The following TRIM9 variants were observed in gnomAD, a reference collection of about 807,000 sequenced individuals.
The protein encoded by TRIM9 is tripartite motif containing 9.
TRIM9 carries 26 observed loss-of-function variants against 78.3 expected under a neutral mutation model. The observed-to-expected ratio is 0.33, with a 90% CI of 0.24 to 0.46. TRIM9 has a LOEUF of 0.46. TRIM9 is among the 20% of genes least tolerant of loss of function. TRIM9 has a pLI of 1.00. For missense variants in TRIM9, 787 were observed against 1,036.4 expected (o/e 0.76, Z 3.30); for synonymous variants, 398 against 416.5 (o/e 0.96, Z 0.54).
At chr14:51,000,434 T>C (rs191442442) in intron 6 of TRIM9, among the ~76,000 whole-genome samples, 2 of 152,262 alleles carry the variant, frequency 1.3e-5, no homozygotes, top group African/African-American at 4.8e-5. Context: ...GAGACCAACT[T>C]GAATGCAGGC....
At chr14:50,982,790 T>C (rs1056388618) in intron 10 of TRIM9, 152 bp downstream of exon 10, 2 of 643,976 alleles carry the variant, frequency 3.1e-6, no homozygotes, top group Admixed American at 3.0e-5. Context: ...GATAGAATGA[T>C]GTCTTTGTAC....
intron 1 of TRIM9, among the ~76,000 whole-genome samples, chr14:51,060,607 C>T (rs2061272336): frequency 6.6e-6 from 1 of 152,198 alleles, no homozygotes; most frequent in Non-Finnish European, 1.5e-5. Flanking sequence ...GCTGGAACTA[C>T]AGGCGCCTGC....
At chr14:51,077,525 C>T (rs571990774) in intron 1 of TRIM9, among the ~76,000 whole-genome samples, 1 of 151,038 alleles carries the variant, frequency 6.6e-6, no homozygotes, top group South Asian at 2.1e-4. Context: ...CTCCAAGTAG[C>T]TGGGACTACA....
At chr14:50,997,378 A>G (rs2054351464) in intron 7 of TRIM9, 8 of 985,464 alleles carry the variant, frequency 8.1e-6, no homozygotes, top group Non-Finnish European at 9.6e-6. Context: ...TAGCCTAGCC[A>G]AGACTGAAGG....
chr14:51,023,001 C>T lies in TRIM9; in HGVS notation c.919-44G>A, dbSNP rs367724597. ...TTCTCAACTGCAAGCTGCTGGGTGC[C>T]TCAGGCTGCCAGAGAAAACAGAGCT... is the stretch of plus-strand genomic sequence containing the variant. On this transcript the variant is annotated intron_variant, in intron 2 of 12. Coordinates refer to ENST00000684578, the MANE Select transcript of TRIM9 (RefSeq NM_001387360.1). 24 of 1,608,776 alleles carry T rather than the reference C, an allele frequency of 1.5e-5. No homozygotes were observed. In the African/African-American group the frequency reaches 3.2e-4, roughly 21 times the overall value.
rs2054428479 is a variant in TRIM9 at position 50,997,897 on chromosome 14, G to A, written c.1603+153C>T. 4 of 1,470,166 alleles carry A rather than the reference G, an allele frequency of 2.7e-6. No homozygotes were observed. In the African/African-American group the frequency reaches 4.2e-5, roughly 16 times the overall value. The allele number at this position is 1,470,166 out of a possible 1,614,324, so 91.1% of individuals were successfully genotyped here. Reference sequence around the variant, plus strand: ...ATCCACATACCATAGGCTCTCTAAAGGCAGGAGAGGAACAGCGGCTCTGTG... The same window carrying A: ...ATCCACATACCATAGGCTCTCTAAAAGCAGGAGAGGAACAGCGGCTCTGTG... On this transcript the variant is annotated intron_variant, in intron 7 of 12. Coordinates refer to ENST00000684578, the MANE Select transcript of TRIM9 (RefSeq NM_001387360.1).
rs866855995 is a variant in TRIM9, at chr14:51,001,430, T to C, written c.1307-590A>G. Among the ~76,000 whole-genome samples, 10 of 151,870 alleles carry C rather than the reference T, an allele frequency of 6.6e-5. No homozygotes were observed. In the South Asian group the frequency reaches 8.3e-4, roughly 13 times the overall value. On this transcript the variant is annotated intron_variant, in intron 5 of 12. Coordinates refer to ENST00000684578, the MANE Select transcript of TRIM9 (RefSeq NM_001387360.1). ...ATTTTTAGTAGAGACGGGGTTTCACTGTGTTAGCCAGGATGGTCTTGATCT... is the reference window on the plus strand; with the variant it reads ...ATTTTTAGTAGAGACGGGGTTTCACCGTGTTAGCCAGGATGGTCTTGATCT...
intron 3 of TRIM9, among the ~76,000 whole-genome samples, chr14:51,010,865 C>T (rs1288171306): frequency 1.3e-5 from 2 of 152,108 alleles, no homozygotes; most frequent in East Asian, 3.9e-4. Flanking sequence ...GCTATAGTTC[C>T]CCAAGATGCT....
rs1006226786 is a variant in TRIM9 at position 51,047,713 on chromosome 14, A to G, written c.823-22353T>C. ...AACAATCTGTATCAGGTAAAAAAGA[A>G]TATGGCCAATGAAGAGGTGCCAACC... On this transcript the variant is annotated intron_variant, in intron 1 of 12. Transcript: ENST00000684578. Among the ~76,000 whole-genome samples the G allele has an allele frequency of 3.3e-5, 5 of 152,316 alleles. No individual in the cohort carries two copies. In the East Asian group the frequency reaches 5.8e-4, roughly 18 times the overall value.
chr14:50,980,625 T>C lies in TRIM9; in HGVS notation c.2163-1076A>G, dbSNP rs558900234. 2.5e-4 allele frequency among the ~76,000 whole-genome samples: 38 copies of C among 152,368 alleles called. No homozygotes were observed. The East Asian group carries it at 7.1e-3, about 29-fold the overall frequency. On this transcript the variant is annotated intron_variant, in intron 11 of 12. Transcript: ENST00000684578. Reference sequence around the variant, plus strand: ...TGATGGTTATGTCATTATTCACTCCTGCACTTCAAAACAAAGACGCTAAAA... The same window carrying C: ...TGATGGTTATGTCATTATTCACTCCCGCACTTCAAAACAAAGACGCTAAAA...
chr14:51,087,515 A>T (rs532344350), intron 1 of TRIM9, among the ~76,000 whole-genome samples: 6 of 152,272 alleles, frequency 3.9e-5, no homozygotes, highest in African/African-American at 1.4e-4. Flanking sequence ...GGGTTGTGAG[A>T]ACACCCCAGG....
chr14:51,006,380 G>A (rs10873041), intron 5 of TRIM9, among the ~76,000 whole-genome samples: 13,119 of 152,158 alleles, frequency 0.086, 948 homozygotes, highest in African/African-American at 0.18. Flanking sequence ...TAAAAAATAA[G>A]AAGATGAACG....
intron 1 of TRIM9, among the ~76,000 whole-genome samples, chr14:51,052,754 G>A (rs143023201): frequency 0.01 from 1,534 of 152,232 alleles, 16 homozygotes; most frequent in Admixed American, 0.019. Context: ...AGACACAGAC[G>A]TCATTGCCCA....
chr14:51,037,858 G>A (rs533314962), intron 1 of TRIM9, among the ~76,000 whole-genome samples: 116 of 152,152 alleles, frequency 7.6e-4, no homozygotes, highest in African/African-American at 2.1e-3. Context: ...GAGGGTAAAA[G>A]CCGTTCTTGT....
chr14:50,984,038 G>T (rs576566273), intron 8 of TRIM9, among the ~76,000 whole-genome samples: 59 of 152,276 alleles, frequency 3.9e-4, no homozygotes, highest in African/African-American at 1.4e-3. Context: ...TGGTCTCAGA[G>T]ATACATTGGA....
At chr14:51,045,854 G>A (rs1205125403) in intron 1 of TRIM9, among the ~76,000 whole-genome samples, 1 of 152,058 alleles carries the variant, frequency 6.6e-6, no homozygotes, top group African/African-American at 2.4e-5. Context: ...AGAAGCAACA[G>A]TATGCGCAAG....
intron 1 of TRIM9, among the ~76,000 whole-genome samples, chr14:51,077,952 C>T (rs2062952390): frequency 6.6e-6 from 1 of 152,192 alleles, no homozygotes; most frequent in African/African-American, 2.4e-5. Flanking sequence ...TTTGGTTATG[C>T]AATCAAACTA....
At chr14:51,001,481 T>G (rs994667529) in intron 5 of TRIM9, among the ~76,000 whole-genome samples, 56 of 151,646 alleles carry the variant, frequency 3.7e-4, no homozygotes, top group Non-Finnish European at 2.1e-4. Flanking sequence ...CGCCCGCCTC[T>G]GCCTCCCAAA....
At chr14:50,996,546 T>C in intron 7 of TRIM9, 1 of 985,434 alleles carries the variant, frequency 1.0e-6, no homozygotes, top group South Asian at 4.7e-5. Flanking sequence ...TTGCTACAAA[T>C]TTCTCTCTGC....
Sources: gnomAD v4.1 joint callset for allele counts (sites outside exome capture counted in the v4.1 genomes callset) on GRCh38, gnomAD v4.1.1 for gene constraint, MANE v1.5 for transcripts, NCBI Gene and HGNC (gene_info 2026-07-23, HGNC 2026-07-21) for gene names.